Variants in SIKE1 observed in about 807,000 individuals in gnomAD.
The protein encoded by SIKE1 is suppressor of IKK epsilon.
A neutral mutation model predicts 25.8 loss-of-function variants in SIKE1; 13 were observed. That is an observed-to-expected ratio of 0.50 (90% confidence interval 0.33 to 0.80). The LOEUF (loss-of-function observed/expected upper bound fraction) is 0.80. SIKE1 is among the 30% of genes least tolerant of loss of function. SIKE1 has a pLI of 0.02. For synonymous variants in SIKE1, 86 were observed against 95.5 expected, an observed-to-expected ratio of 0.90 and a Z score of 0.58; for missense variants, 222 against 252.4, an observed-to-expected ratio of 0.88 and a Z score of 0.82.
rs1334426561 is a variant in SIKE1 at position 114,776,333 on chromosome 1, G to C, written c.522+13C>G. On this transcript the variant is annotated intron_variant, in intron 4 of 4. Coordinates refer to ENST00000060969, the MANE Select transcript of SIKE1 (RefSeq NM_025073.3). ...TATGAAATACTGTGAACCTAAATTAGCTACAATCTTACCTCTAATTGGGCT... is the reference window on the plus strand; with the variant it reads ...TATGAAATACTGTGAACCTAAATTACCTACAATCTTACCTCTAATTGGGCT... 3.3e-6 allele frequency: 5 copies of C among 1,494,788 alleles called. No individual in the cohort carries two copies. Among genetic ancestry groups the C allele is most frequent in the Non-Finnish European group, 4.7e-6 (5 of 1,074,576 alleles). 92.6% of individuals were successfully genotyped at this position (1,494,788 alleles called of 1,614,324 possible).
At chr1:114,777,860 G>T (rs937145673) in intron 3 of SIKE1, among the ~76,000 whole-genome samples, 4 of 152,162 alleles carry the variant, frequency 2.6e-5, no homozygotes, top group African/African-American at 9.7e-5. Context: ...CTACCCATTG[G>T]ATGTTGGATA....
rs1662328620 is a variant in SIKE1, at chr1:114,779,018, T to C, written c.408+124A>G. 2.5e-6 allele frequency: 3 copies of C among 1,189,576 alleles called. No homozygotes were observed. The South Asian group carries it at 4.2e-5, about 17-fold the overall frequency. 73.7% of individuals were successfully genotyped at this position (1,189,576 alleles called of 1,614,324 possible). A position where few individuals can be genotyped will look rare whatever the true frequency, so the allele number is the denominator to read the frequency against. ...GTTGCAGTGAGCCGAGATCGTGCCATTACACCACGGCCTGGTCGACAAGAG... is the reference window on the plus strand; with the variant it reads ...GTTGCAGTGAGCCGAGATCGTGCCACTACACCACGGCCTGGTCGACAAGAG... On this transcript the variant is annotated intron_variant, in intron 3 of 4. Coordinates refer to ENST00000060969, the MANE Select transcript of SIKE1 (RefSeq NM_025073.3).
chr1:114,774,779 T>C (rs985080844), intron 4 of SIKE1, among the ~76,000 whole-genome samples: 2 of 152,216 alleles, frequency 1.3e-5, no homozygotes, highest in Non-Finnish European at 1.5e-5. Flanking sequence ...CTGGATATCT[T>C]ACAGTTCTAG....
rs1056875001 is a variant in SIKE1, at chr1:114,771,271, T to C, written c.*3000A>G. On this transcript the variant is annotated 3_prime_UTR_variant, in exon 5 of 5. Coordinates refer to ENST00000060969, the MANE Select transcript of SIKE1 (RefSeq NM_025073.3). ...CACCATTCTAGAAAATAATATCTCA[T>C]TAGTTAAGACTCCATTTATTGAATT... 6.6e-6 allele frequency: 1 copy of C among 152,214 alleles called. No homozygotes were observed. The highest frequency in any genetic ancestry group is 1.5e-5 in the Non-Finnish European group (1 of 68,038). 9.4% of individuals were successfully genotyped at this position (152,214 alleles called of 1,614,324 possible). A position where few individuals can be genotyped will look rare whatever the true frequency, so the allele number is the denominator to read the frequency against.
intron 4 of SIKE1, among the ~76,000 whole-genome samples, chr1:114,775,857 A>G (rs1662222631): frequency 6.6e-6 from 1 of 152,184 alleles, no homozygotes; most frequent in South Asian, 2.1e-4. Flanking sequence ...TCAAAATATG[A>G]CATAAACATA....
intron 3 of SIKE1, among the ~76,000 whole-genome samples, chr1:114,778,420 T>TA (rs924585386): frequency 6.6e-6 from 1 of 152,160 alleles, no homozygotes; most frequent in Admixed American, 6.5e-5. Context: ...GGTACTATGT[T>TA]AGGAATAAAA....
At position 114,772,696 on chromosome 1, in the gene SIKE1, T is replaced by C. The variant is rs1662102718; in HGVS notation, c.*1575A>G. ...TGGATTTATGGGGTCACTTAAGGTATACTTCGAGGCAGATGGCTGGGCTAA... is the reference window on the plus strand; with the variant it reads ...TGGATTTATGGGGTCACTTAAGGTACACTTCGAGGCAGATGGCTGGGCTAA... On this transcript the variant is annotated 3_prime_UTR_variant, in exon 5 of 5. Coordinates refer to ENST00000060969, the MANE Select transcript of SIKE1 (RefSeq NM_025073.3). 6.6e-6 allele frequency: 1 copy of C among 152,190 alleles called. No individual in the cohort carries two copies. Among genetic ancestry groups the C allele is most frequent in the African/African-American group, 2.4e-5 (1 of 41,458 alleles). 9.4% of individuals were successfully genotyped at this position (152,190 alleles called of 1,614,324 possible). A position where few individuals can be genotyped will look rare whatever the true frequency, so the allele number is the denominator to read the frequency against.
In SIKE1 at chr1:114,769,542, C is replaced by T. The variant is rs2101121150; in HGVS notation, c.*4729G>A. 1 of 151,222 alleles carries T rather than the reference C, an allele frequency of 6.6e-6. No homozygotes were observed. The allele number at this position is 151,222 out of a possible 1,614,324, so 9.4% of individuals were successfully genotyped here. On this transcript the variant is annotated 3_prime_UTR_variant, in exon 5 of 5. Coordinates refer to ENST00000060969, the MANE Select transcript of SIKE1 (RefSeq NM_025073.3). Reference sequence around the variant, plus strand: ...ATTCCTTAACAATATGTTGTATAACCCAACAATGAAATATACATCAATGAA... The same window carrying T: ...ATTCCTTAACAATATGTTGTATAACTCAACAATGAAATATACATCAATGAA...
chr1:114,774,399 C>G (rs567731950), intron 4 of SIKE1, 27 bp from the exon 5 acceptor site: 1 of 1,539,022 alleles, frequency 6.5e-7, no homozygotes, highest in Non-Finnish European at 8.9e-7. Context: ...ATGTTTATTT[C>G]TGGTATTTTT....
intron 3 of SIKE1, among the ~76,000 whole-genome samples, chr1:114,777,670 T>C (rs1662284964): frequency 6.6e-6 from 1 of 152,170 alleles, no homozygotes; most frequent in African/African-American, 2.4e-5. Flanking sequence ...AGGACTAAGG[T>C]TTCATCCAAT....
In SIKE1 at chr1:114,772,034, TAAG is replaced by T. The variant is rs552925194; in HGVS notation, c.*2234_*2236del. 1.8e-4 allele frequency: 27 copies of T among 152,258 alleles called. No individual in the cohort carries two copies. Among genetic ancestry groups the T allele is most frequent in the African/African-American group, 6.5e-4 (27 of 41,552 alleles). The allele number at this position is 152,258 out of a possible 1,614,324, so 9.4% of individuals were successfully genotyped here. ...TCCAATTATGCATAAGGTATTAATA[TAAG>T]AATTATACATAAGATATTGATATAA... On this transcript the variant is annotated 3_prime_UTR_variant, in exon 5 of 5. Transcript: ENST00000060969.
At position 114,780,586 on chromosome 1, in the gene SIKE1, T is replaced by A. The variant is rs563914204; in HGVS notation, c.22A>T (p.Ile8Phe). The change falls in exon 1 of 5, where the codon ATC becomes TTC. Residue 8 changes from isoleucine (I) to phenylalanine (F), a missense_variant. Transcript: ENST00000060969. MSCTIEK[I>F]LTDAKTLLER... Reference sequence around the variant, plus strand: ...AGCAGCGTCTTGGCGTCTGTCAGGATCTTCTCGATGGTGCAGCTCATAGCA... The same window carrying A: ...AGCAGCGTCTTGGCGTCTGTCAGGAACTTCTCGATGGTGCAGCTCATAGCA... 1 of 1,613,692 alleles carries A rather than the reference T, an allele frequency of 6.2e-7. No homozygotes were observed. Among genetic ancestry groups the A allele is most frequent in the African/African-American group, 1.3e-5 (1 of 75,044 alleles).
At position 114,772,765 on chromosome 1, in the gene SIKE1, C is replaced by T. The variant is rs1192182757; in HGVS notation, c.*1506G>A. The T allele has an allele frequency of 6.6e-6, 1 of 152,106 alleles. No homozygotes were observed. The highest frequency in any genetic ancestry group is 1.5e-5 in the Non-Finnish European group (1 of 68,024). 9.4% of individuals were successfully genotyped at this position (152,106 alleles called of 1,614,324 possible). A position where few individuals can be genotyped will look rare whatever the true frequency, so the allele number is the denominator to read the frequency against. On this transcript the variant is annotated 3_prime_UTR_variant, in exon 5 of 5. Coordinates refer to ENST00000060969, the MANE Select transcript of SIKE1 (RefSeq NM_025073.3). ...TGGGAAATGAAATAAAAAATGCTCA[C>T]ACTTGGAAGTGTTTTTTTTGTCAAA... is the stretch of plus-strand genomic sequence containing the variant.
rs113571824 is a variant in SIKE1 at position 114,773,177 on chromosome 1, T to G, written c.*1094A>C. On this transcript the variant is annotated 3_prime_UTR_variant, in exon 5 of 5. Transcript: ENST00000060969. The stretch of plus-strand genomic sequence containing the variant: ...GGAATGAGTTGATGAGTGAACCCAG[T>G]TGACCACTGGGCATTTGAATCTCAA... The G allele has an allele frequency of 1.3e-5, 2 of 152,170 alleles. No individual in the cohort carries two copies. Among genetic ancestry groups the G allele is most frequent in the Non-Finnish European group, 2.9e-5 (2 of 68,014 alleles). 9.4% of individuals were successfully genotyped at this position (152,170 alleles called of 1,614,324 possible).
chr1:114,771,695 A>T lies in SIKE1; in HGVS notation c.*2576T>A, dbSNP rs1196461888. ...GTTTAAAGTCCCTCTTCTGTATCTT[A>T]TACATACTATAATGGATTTATCACA... is the stretch of plus-strand genomic sequence containing the variant. On this transcript the variant is annotated 3_prime_UTR_variant, in exon 5 of 5. Transcript: ENST00000060969. The T allele has an allele frequency of 1.3e-5, 2 of 152,200 alleles. No homozygotes were observed. Among genetic ancestry groups the T allele is most frequent in the Admixed American group, 6.5e-5 (1 of 15,282 alleles). 9.4% of individuals were successfully genotyped at this position (152,200 alleles called of 1,614,324 possible). A position where few individuals can be genotyped will look rare whatever the true frequency, so the allele number is the denominator to read the frequency against.
chr1:114,774,025 C>G lies in SIKE1; in HGVS notation c.*246G>C. 1 of 312,426 alleles carries G rather than the reference C, an allele frequency of 3.2e-6. No individual in the cohort carries two copies. The highest frequency in any genetic ancestry group is 5.8e-6 in the Non-Finnish European group (1 of 171,542). The allele number at this position is 312,426 out of a possible 1,614,324, so 19.4% of individuals were successfully genotyped here. On this transcript the variant is annotated 3_prime_UTR_variant, in exon 5 of 5. Coordinates refer to ENST00000060969, the MANE Select transcript of SIKE1 (RefSeq NM_025073.3). ...AACATAGTTTATATAAATCAAGGTC[C>G]CAGAAATGAAAATTAAAAGTAGTCT...
At chr1:114,776,308 T>G in intron 4 of SIKE1, 38 bp downstream of exon 4, 1 of 1,254,780 alleles carries the variant, frequency 8.0e-7, no homozygotes. Flanking sequence ...CTCGGAAAAC[T>G]ATGAAATACT....
chr1:114,779,290 A>G lies in SIKE1; in HGVS notation c.266-6T>C. The stretch of plus-strand genomic sequence containing the variant: ...CTCCAAGGAAATCCATAGCTCTGTC[A>G]AAAAATAAAAGAACTTGGCAGTGAT... On this transcript the variant is annotated splice_polypyrimidine_tract_variant and splice_region_variant and intron_variant, in intron 2 of 4. Transcript: ENST00000060969. 2 of 1,609,546 alleles carry G rather than the reference A, an allele frequency of 1.2e-6. No homozygotes were observed. Among genetic ancestry groups the G allele is most frequent in the Admixed American group, 1.7e-5 (1 of 59,638 alleles).
At chr1:114,777,830 A>C (rs1232203642) in intron 3 of SIKE1, among the ~76,000 whole-genome samples, 1 of 152,166 alleles carries the variant, frequency 6.6e-6, no homozygotes, top group African/African-American at 2.4e-5. Flanking sequence ...AATGGAAAAA[A>C]AAAATCAATT....
Sources: allele counts gnomAD v4.1 joint callset (sites outside exome capture counted in the v4.1 genomes callset), GRCh38; gene constraint gnomAD v4.1.1; transcripts MANE v1.5; gene names NCBI Gene and HGNC (gene_info 2026-07-23, HGNC 2026-07-21).